KIF16B: variants seen among roughly 807,000 people sequenced by gnomAD.
The protein encoded by KIF16B is kinesin family member 16B, also known as kinesin-like protein KIF16B.
A neutral mutation model predicts 156.3 loss-of-function variants in KIF16B; 98 were observed. The ratio of observed to expected loss-of-function variants is 0.63; its 90% CI spans 0.53 to 0.74. KIF16B has a LOEUF of 0.74. KIF16B is among the 30% of genes least tolerant of loss of function. KIF16B has a pLI of 0.00. For missense variants in KIF16B, 1,421 were observed against 1,606.5 expected (o/e 0.88, Z 1.97); for synonymous variants, 564 against 583.7 (o/e 0.97, Z 0.49).
At chr20:16,378,656 G>C in intron 19 of KIF16B, 149 bp downstream of exon 19, 1 of 778,716 alleles carries the variant, frequency 1.3e-6, no homozygotes, top group African/African-American at 1.8e-5. Context: ...CTCAGTTCTG[G>C]CAAATATAAG....
Position 16,351,529 on chromosome 20 carries a change from C to T in KIF16B, c.3621+4801G>A, listed in dbSNP as rs1404299149. Among the ~76,000 whole-genome samples the T allele has an allele frequency of 2.0e-5, 3 of 152,044 alleles. No individual in the cohort carries two copies. The East Asian group carries it at 5.8e-4, about 29-fold the overall frequency. On this transcript the variant is annotated intron_variant, in intron 23 of 25. Transcript: ENST00000354981. ...ATGGCATTACTTGTGGCAGGTGCAG[C>T]TGAGCGCAGGCACAAATTTTGCAGC...
At chr20:16,437,970 T>C (rs1398795668) in intron 12 of KIF16B, among the ~76,000 whole-genome samples, 1 of 125,634 alleles carries the variant, frequency 8.0e-6, no homozygotes, top group Non-Finnish European at 1.7e-5. Context: ...CCATCTCTAC[T>C]AAAAATAAAA....
intron 9 of KIF16B, among the ~76,000 whole-genome samples, chr20:16,504,840 TAAG>T (rs1424895085): frequency 6.6e-6 from 1 of 152,180 alleles, no homozygotes; most frequent in Non-Finnish European, 1.5e-5. Context: ...GCTGAAAACG[TAAG>T]AAGAAGGTTT....
intron 17 of KIF16B, among the ~76,000 whole-genome samples, chr20:16,393,012 C>T (rs114186647): frequency 1.3e-5 from 2 of 152,000 alleles, no homozygotes; most frequent in Non-Finnish European, 2.9e-5. Flanking sequence ...ATGATATAAA[C>T]ATAAAATGAA....
chr20:16,338,287 C>T (rs148129841), intron 23 of KIF16B, among the ~76,000 whole-genome samples: 183 of 152,272 alleles, frequency 1.2e-3, no homozygotes, highest in African/African-American at 3.9e-3. Flanking sequence ...TTCTTCACTC[C>T]AACTTCCAAA....
chr20:16,530,887 G>A (rs879474409), intron 1 of KIF16B, among the ~76,000 whole-genome samples: 2 of 152,060 alleles, frequency 1.3e-5, no homozygotes, highest in Non-Finnish European at 2.9e-5. Flanking sequence ...TTTTTGTAGA[G>A]ATGGAGTTTT....
chr20:16,547,193 C>T (rs1022117902), intron 1 of KIF16B, among the ~76,000 whole-genome samples: 1 of 152,226 alleles, frequency 6.6e-6, no homozygotes, highest in East Asian at 1.9e-4. Flanking sequence ...TCAGCGTCCG[C>T]ATCCATCACC....
At chr20:16,408,331 C>A (rs2065837585) in intron 15 of KIF16B, among the ~76,000 whole-genome samples, 1 of 152,138 alleles carries the variant, frequency 6.6e-6, no homozygotes, top group Admixed American at 6.6e-5. Context: ...CTACAATTTG[C>A]TTATCCCTGT....
rs60693181 is a variant in KIF16B at position 16,442,348 on chromosome 20, G to GTA, written c.1303-12368_1303-12367dup. The stretch of plus-strand genomic sequence containing the variant: ...ACCATTTCACAATGTGTGTGTGTGT[G>GTA]TATATATATATATATATATAAAATA... On this transcript the variant is annotated intron_variant, in intron 12 of 25. Coordinates refer to ENST00000354981, the MANE Select transcript of KIF16B (RefSeq NM_024704.5). 2.4e-3 allele frequency among the ~76,000 whole-genome samples: 353 copies of GTA among 149,710 alleles called. 2 individuals carry two copies. The highest frequency in any genetic ancestry group is 3.6e-3 in the Admixed American group (54 of 15,002).
chr20:16,554,710 G>T (rs1206044130), intron 1 of KIF16B, among the ~76,000 whole-genome samples: 2 of 152,206 alleles, frequency 1.3e-5, no homozygotes, highest in Admixed American at 1.3e-4. Flanking sequence ...CCTCTAGGGA[G>T]CCCAGGCCTA....
chr20:16,405,115 C>T (rs1164506238), intron 16 of KIF16B, among the ~76,000 whole-genome samples: 2 of 152,134 alleles, frequency 1.3e-5, no homozygotes, highest in Non-Finnish European at 2.9e-5. Context: ...TACAGCAGGA[C>T]CTTGGCCTTC....
intron 1 of KIF16B, among the ~76,000 whole-genome samples, chr20:16,537,709 T>TG (rs1335567784): frequency 6.9e-6 from 1 of 145,514 alleles, no homozygotes; most frequent in Non-Finnish European, 1.5e-5. Flanking sequence ...TTTTCGTTTT[T>TG]TTTTTTTTTT....
At chr20:16,312,985 T>C (rs1419259361) in intron 24 of KIF16B, among the ~76,000 whole-genome samples, 2 of 152,196 alleles carry the variant, frequency 1.3e-5, no homozygotes, top group Non-Finnish European at 2.9e-5. Flanking sequence ...TCACCTTGTT[T>C]CCTAAAAATG....
intron 12 of KIF16B, among the ~76,000 whole-genome samples, chr20:16,487,363 A>G (rs1033901868): frequency 6.6e-6 from 1 of 152,188 alleles, no homozygotes; most frequent in Non-Finnish European, 1.5e-5. Context: ...GCCCTGGACA[A>G]CAGGAATCCA....
chr20:16,381,283 A>C (rs1187889460), intron 18 of KIF16B, among the ~76,000 whole-genome samples: 1 of 152,204 alleles, frequency 6.6e-6, no homozygotes, highest in Non-Finnish European at 1.5e-5. Context: ...AAACAATATC[A>C]GGAAAGATGT....
rs1473806912 is a variant in KIF16B at position 16,273,373 on chromosome 20, G to A, written c.3834C>T (p.Ser1278=). Residue 1278 remains serine, a synonymous_variant, in exon 26 of 26, where the codon TCC becomes TCT. Coordinates refer to ENST00000354981, the MANE Select transcript of KIF16B (RefSeq NM_024704.5). ...TGTTGATGTGGAGGGGAGATGTTGC[G>A]GACTGGAGCATCACGCTGAAAAAGT... The part of the protein sequence containing the change: ...LRDFFSVMLQ[S]ATSPLHINKV... 7.4e-6 allele frequency: 12 copies of A among 1,613,964 alleles called. No individual in the cohort carries two copies. Among genetic ancestry groups the A allele is most frequent in the Middle Eastern group, 1.6e-4 (1 of 6,062 alleles).
intron 1 of KIF16B, among the ~76,000 whole-genome samples, chr20:16,559,479 GCAA>G (rs757533144): frequency 7.9e-5 from 12 of 152,088 alleles, no homozygotes; most frequent in Middle Eastern, 3.4e-3. Flanking sequence ...AAACAAAACA[GCAA>G]CAACAACAAC....
At chr20:16,360,964 C>A (rs1252326358) in intron 22 of KIF16B, among the ~76,000 whole-genome samples, 1 of 152,120 alleles carries the variant, frequency 6.6e-6, no homozygotes, top group Non-Finnish European at 1.5e-5. Flanking sequence ...TAACAGTTGT[C>A]CCTAAACATT....
At chr20:16,437,153 C>T (rs1291368965) in intron 12 of KIF16B, among the ~76,000 whole-genome samples, 1 of 152,164 alleles carries the variant, frequency 6.6e-6, no homozygotes, top group Non-Finnish European at 1.5e-5. Context: ...AAAAAGTCTG[C>T]ACATGTTCAG....
Sources: gnomAD v4.1 joint callset for allele counts (sites outside exome capture counted in the v4.1 genomes callset) on GRCh38, gnomAD v4.1.1 for gene constraint, MANE v1.5 for transcripts, NCBI Gene and HGNC (gene_info 2026-07-23, HGNC 2026-07-21) for gene names.